The following GRIK2 variants were observed in gnomAD, a reference collection of about 807,000 sequenced individuals.
The protein encoded by GRIK2 is glutamate ionotropic receptor kainate type subunit 2, also known as glutamate receptor ionotropic, kainate 2.
In GRIK2, 32 loss-of-function variants were observed where a neutral mutation model predicts 100.3. The observed-to-expected ratio is 0.32, with a 90% CI of 0.24 to 0.43. GRIK2 has a LOEUF of 0.43. Ranked by LOEUF, GRIK2 falls within the 20% of genes least tolerant of loss-of-function variation. The pLI is 1.00. For missense variants in GRIK2, 843 were observed against 1,114.9 expected (o/e 0.76, Z 3.47); for synonymous variants, 417 against 389.4 (o/e 1.07, Z -0.83).
Position 101,820,553 on chromosome 6 carries a change from C to A in GRIK2, c.1317+2070C>A, listed in dbSNP as rs147645332. Among the ~76,000 whole-genome samples the A allele has an allele frequency of 5.0e-3, 768 of 152,280 alleles. 7 individuals carry two copies. Among genetic ancestry groups the A allele is most frequent in the Non-Finnish European group, 8.1e-3 (552 of 68,016 alleles). ...CTCCACCTCCCAGGTTCAAACGATT[C>A]TCCTGCCTCAGCTTCCTGAGTAGCT... On this transcript the variant is annotated intron_variant, in intron 10 of 16. Coordinates refer to ENST00000369134, the MANE Select transcript of GRIK2 (RefSeq NM_021956.5).
At chr6:101,503,508 ATCAAT>A (rs1010134311) in intron 2 of GRIK2, among the ~76,000 whole-genome samples, 4 of 152,142 alleles carry the variant, frequency 2.6e-5, no homozygotes, top group Admixed American at 1.3e-4. Context: ...AAAAAAGCAA[ATCAAT>A]TCCATTCCTT....
intron 4 of GRIK2, among the ~76,000 whole-genome samples, chr6:101,648,537 C>T (rs1331587453): frequency 1.3e-5 from 2 of 152,016 alleles, no homozygotes; most frequent in African/African-American, 4.8e-5. Flanking sequence ...ATAAAAATTT[C>T]CTTTGAAATA....
chr6:101,742,686 C>G (rs1180143101), intron 7 of GRIK2, among the ~76,000 whole-genome samples: 1 of 152,064 alleles, frequency 6.6e-6, no homozygotes, highest in Non-Finnish European at 1.5e-5. Flanking sequence ...GTCTAAAGAC[C>G]TGGGATCAAT....
At chr6:101,746,987 T>A (rs1349866804) in intron 7 of GRIK2, among the ~76,000 whole-genome samples, 3 of 152,244 alleles carry the variant, frequency 2.0e-5, no homozygotes, top group Admixed American at 1.3e-4. Flanking sequence ...TGTTAACATT[T>A]TAATATTATT....
intron 2 of GRIK2, among the ~76,000 whole-genome samples, chr6:101,578,867 G>T (rs1777912808): frequency 6.6e-6 from 1 of 152,088 alleles, no homozygotes; most frequent in East Asian, 1.9e-4. Flanking sequence ...TCCATCCATT[G>T]AGATGCAAAA....
At position 101,687,920 on chromosome 6, in the gene GRIK2, A is replaced by G. The variant is rs75082543; in HGVS notation, c.951+1567A>G. Among the ~76,000 whole-genome samples the G allele has an allele frequency of 7.0e-3, 1,052 of 151,218 alleles. 11 individuals carry two copies. Among genetic ancestry groups the G allele is most frequent in the African/African-American group, 0.024 (981 of 41,440 alleles). ...ATTTAAAATAAAATGCAAACTAGAA[A>G]AAATTATAAATGTTATATTTTATTA... is the stretch of plus-strand genomic sequence containing the variant. On this transcript the variant is annotated intron_variant, in intron 7 of 16. Coordinates refer to ENST00000369134, the MANE Select transcript of GRIK2 (RefSeq NM_021956.5).
chr6:101,651,935 TAAG>T (rs977796019), intron 4 of GRIK2, among the ~76,000 whole-genome samples: 7 of 152,168 alleles, frequency 4.6e-5, no homozygotes, highest in Non-Finnish European at 7.4e-5. Context: ...ATCTCTAAGA[TAAG>T]AAGAAAACTA....
intron 14 of GRIK2, among the ~76,000 whole-genome samples, chr6:101,981,755 A>C (rs1416797544): frequency 1.3e-5 from 2 of 151,846 alleles, no homozygotes; most frequent in South Asian, 4.1e-4. Context: ...AAAAAATGGA[A>C]AAGAAAGTGC....
At chr6:101,819,058 C>A (rs1781796728) in intron 10 of GRIK2, among the ~76,000 whole-genome samples, 1 of 152,108 alleles carries the variant, frequency 6.6e-6, no homozygotes, top group South Asian at 2.1e-4. Flanking sequence ...TATTGTTAAG[C>A]TAGATGTTTT....
At chr6:101,644,974 T>A (rs1441163706) in intron 4 of GRIK2, among the ~76,000 whole-genome samples, 1 of 151,798 alleles carries the variant, frequency 6.6e-6, no homozygotes, top group African/African-American at 2.4e-5. Flanking sequence ...TGATTCTTGA[T>A]GGAGGTACTG....
At chr6:101,982,953 G>T (rs1274417111) in intron 14 of GRIK2, among the ~76,000 whole-genome samples, 1 of 151,732 alleles carries the variant, frequency 6.6e-6, no homozygotes, top group African/African-American at 2.4e-5. Context: ...GGAAAAAGGA[G>T]GAACAGGGAA....
chr6:101,760,571 TAA>T (rs1249957359), intron 7 of GRIK2, among the ~76,000 whole-genome samples: 1 of 87,238 alleles, frequency 1.1e-5, no homozygotes, highest in Non-Finnish European at 1.9e-5. Context: ...TAATTATATT[TAA>T]TTAATTATAT....
chr6:101,429,423 G>A (rs1415124219), intron 2 of GRIK2, among the ~76,000 whole-genome samples: 1 of 152,166 alleles, frequency 6.6e-6, no homozygotes, highest in East Asian at 1.9e-4. Flanking sequence ...TTTCAGCAGG[G>A]TAATTCACAG....
intron 2 of GRIK2, among the ~76,000 whole-genome samples, chr6:101,598,666 A>G (rs1023760660): frequency 2.6e-5 from 4 of 151,072 alleles, no homozygotes; most frequent in African/African-American, 9.7e-5. Flanking sequence ...AAAAAAAAGT[A>G]TTCTACAATG....
At chr6:101,424,127 A>G (rs936730808) in intron 2 of GRIK2, among the ~76,000 whole-genome samples, 2 of 152,128 alleles carry the variant, frequency 1.3e-5, no homozygotes, top group East Asian at 1.9e-4. Flanking sequence ...AACAAGTGCT[A>G]TGAATCTTGC....
intron 13 of GRIK2, among the ~76,000 whole-genome samples, chr6:101,925,064 G>A (rs1789797840): frequency 6.6e-6 from 1 of 152,002 alleles, no homozygotes; most frequent in Non-Finnish European, 1.5e-5. Flanking sequence ...CAAGAATACA[G>A]TGTTATGCTC....
chr6:101,997,446 T>C (rs993605146), intron 14 of GRIK2, among the ~76,000 whole-genome samples: 6 of 152,084 alleles, frequency 3.9e-5, no homozygotes, highest in African/African-American at 7.2e-5. Context: ...AATGTATATA[T>C]TTGTTTTAGT....
At chr6:101,403,397 C>T (rs537363102) in intron 2 of GRIK2, among the ~76,000 whole-genome samples, 5 of 152,302 alleles carry the variant, frequency 3.3e-5, no homozygotes, top group African/African-American at 1.2e-4. Context: ...GAAGTCTTCC[C>T]TCCCAGACGC....
intron 2 of GRIK2, among the ~76,000 whole-genome samples, chr6:101,498,182 A>G (rs1218855278): frequency 6.7e-6 from 1 of 149,952 alleles, no homozygotes; most frequent in Non-Finnish European, 1.5e-5. Context: ...CCATGTCCCT[A>G]CAAAGGACAT....
Sources: allele counts gnomAD v4.1 joint callset (sites outside exome capture counted in the v4.1 genomes callset), GRCh38; gene constraint gnomAD v4.1.1; transcripts MANE v1.5; gene names NCBI Gene and HGNC (gene_info 2026-07-23, HGNC 2026-07-21).